The following ERBB2 variants were observed in gnomAD, a reference collection of about 807,000 sequenced individuals.
ERBB2 encodes erb-b2 receptor tyrosine kinase 2, also known as receptor tyrosine-protein kinase erbB-2.
In ERBB2, 61 loss-of-function variants were observed where a neutral mutation model predicts 149.0. That is an observed-to-expected ratio of 0.41 (90% CI 0.33 to 0.51). The LOEUF is 0.51. Ranked by LOEUF, ERBB2 falls within the 20% of genes least tolerant of loss-of-function variation. The probability of loss-of-function intolerance (pLI) is 0.25; values close to 1 mark genes in which losing one functional copy is unlikely to be tolerated. For missense variants in ERBB2, 1,205 were observed against 1,655.1 expected, an observed-to-expected ratio of 0.73 and a Z score of 4.72; for synonymous variants, 633 against 678.8, an observed-to-expected ratio of 0.93 and a Z score of 1.05.
At chr17:39,690,561 G>T (rs1170881232), upstream of ERBB2, among the ~76,000 whole-genome samples, 1 of 152,124 alleles carries the variant, frequency 6.6e-6, no homozygotes, top group Non-Finnish European at 1.5e-5. Context: ...TGACTTCTTG[G>T]AAGATGGGGT....
At position 39,708,628 on chromosome 17, in the gene ERBB2, G is replaced by T. The variant is rs1483342383; in HGVS notation, c.439+94G>T. 6 of 995,130 alleles carry T rather than the reference G, an allele frequency of 6.0e-6. No individual in the cohort carries two copies. In the African/African-American group the frequency reaches 9.7e-5, roughly 16 times the overall value. The allele number at this position is 995,130 out of a possible 1,614,324, so 61.6% of individuals were successfully genotyped here. ...GGGAGGCTTTGTGTGCATTAGAAAT[G>T]GTGTCCCTTCTGGGCAGACGCAGGC... On this transcript the variant is annotated intron_variant, in intron 3 of 26. Coordinates refer to ENST00000269571, the MANE Select transcript of ERBB2 (RefSeq NM_004448.4).
At chr17:39,689,329 T>C (rs1418508607) in intron 2 of ERBB2, among the ~76,000 whole-genome samples, 1 of 152,188 alleles carries the variant, frequency 6.6e-6, no homozygotes, top group Non-Finnish European at 1.5e-5. Flanking sequence ...ACATGAATAG[T>C]GTCCCCTGGA....
At chr17:39,716,852 G>C (rs905062374) in intron 14 of ERBB2, 1 of 550,232 alleles carries the variant, frequency 1.8e-6, no homozygotes, top group Non-Finnish European at 3.3e-6. Context: ...GCTGTGCTAG[G>C]GTGGTGAGCC....
At chr17:39,689,063 C>T (rs2057632770) in intron 2 of ERBB2, among the ~76,000 whole-genome samples, 1 of 152,202 alleles carries the variant, frequency 6.6e-6, no homozygotes, top group Non-Finnish European at 1.5e-5. Flanking sequence ...AAGGATCACC[C>T]TTTCTCCTCC....
At chr17:39,724,173 C>A (rs1442882055) in intron 19 of ERBB2, among the ~76,000 whole-genome samples, 163 bp downstream of exon 19, 1 of 151,430 alleles carries the variant, frequency 6.6e-6, no homozygotes, top group Non-Finnish European at 1.5e-5. Flanking sequence ...GGCTGGAGTG[C>A]AGTGGCGTTA....
chr17:39,719,908 A>C, intron 16 of ERBB2, 74 bp downstream of exon 16: 1 of 1,448,170 alleles, frequency 6.9e-7, no homozygotes, highest in Non-Finnish European at 9.7e-7. Flanking sequence ...TCACTGCTGT[A>C]GGGAGGGGAC....
upstream of ERBB2, among the ~76,000 whole-genome samples, chr17:39,697,451 G>A (rs1355175263): frequency 1.3e-5 from 2 of 151,314 alleles, no homozygotes; most frequent in African/African-American, 4.9e-5. Context: ...CGCTTCCCAG[G>A]TTCAAGCGAT....
upstream of ERBB2, among the ~76,000 whole-genome samples, chr17:39,691,818 A>G (rs1449992739): frequency 2.0e-5 from 3 of 148,596 alleles, no homozygotes; most frequent in Non-Finnish European, 4.5e-5. Flanking sequence ...ACAGAAATTA[A>G]TAGGAATGGG....
At chr17:39,705,568 C>G (rs2058375840) in intron 1 of ERBB2, among the ~76,000 whole-genome samples, 1 of 152,134 alleles carries the variant, frequency 6.6e-6, no homozygotes, top group East Asian at 1.9e-4. Flanking sequence ...CCTCCTGTTC[C>G]TCCCTCTTTG....
chr17:39,714,577 T>C (rs564329506), intron 9 of ERBB2, among the ~76,000 whole-genome samples: 1 of 152,314 alleles, frequency 6.6e-6, no homozygotes, highest in East Asian at 1.9e-4. Context: ...TGGCAGATAC[T>C]AGGTGCTCCT....
rs1449862160 is a variant in ERBB2, at chr17:39,723,023, T to A, written c.1947-296T>A. Among the ~76,000 whole-genome samples, 1 of 151,810 alleles carries A rather than the reference T, an allele frequency of 6.6e-6. No individual in the cohort carries two copies. Among genetic ancestry groups the A allele is most frequent in the Non-Finnish European group, 1.5e-5 (1 of 67,964 alleles). On this transcript the variant is annotated intron_variant, in intron 16 of 26. Transcript: ENST00000269571. This position sits in a 1 kb window ranked among gnomAD's most constrained non-coding sequence, Gnocchi z 6.2. ...CAGGCATGAGCCACCGCGCCCAGAG[T>A]CCTTAGTGATTTTTACACCATGAAT...
chr17:39,691,574 T>TATATATATATATACAC (rs1244087250), upstream of ERBB2, among the ~76,000 whole-genome samples: 34 of 122,016 alleles, frequency 2.8e-4, no homozygotes, highest in African/African-American at 1.4e-3. Context: ...TATATATATA[T>TATATATATATATACAC]ACACACACAC....
upstream of ERBB2, among the ~76,000 whole-genome samples, chr17:39,691,998 T>C (rs1236242737): frequency 6.7e-6 from 1 of 149,078 alleles, no homozygotes; most frequent in Non-Finnish European, 1.5e-5. Flanking sequence ...GGATTACAGG[T>C]GTGTGCCACC....
chr17:39,699,944 T>C (rs1165652075), upstream of ERBB2: 33 of 1,156,466 alleles, frequency 2.9e-5, no homozygotes, highest in Admixed American at 7.9e-4. Context: ...CCAGACTTGT[T>C]GGAATGCAGT....
At chr17:39,694,226 AATATATATATATATATATATATAT>A (rs1417710622), upstream of ERBB2, among the ~76,000 whole-genome samples, 14 of 18,534 alleles carry the variant, frequency 7.6e-4, 1 homozygote, top group East Asian at 2.9e-3. Flanking sequence ...AAAAAAAAAA[AATATATATATATATATATATATAT>A]ATATATATAT....
At chr17:39,724,689 G>A in intron 19 of ERBB2, 37 bp from the exon 20 acceptor site, 1 of 1,588,906 alleles carries the variant, frequency 6.3e-7, no homozygotes, top group African/African-American at 1.3e-5. Flanking sequence ...GGGGGTGTGT[G>A]GTCTCCCATA....
chr17:39,692,026 G>A (rs540307709), upstream of ERBB2, among the ~76,000 whole-genome samples: 2 of 149,860 alleles, frequency 1.3e-5, no homozygotes, highest in Admixed American at 6.7e-5. Context: ...GCTAATTTTT[G>A]TATTTTTTAG....
chr17:39,710,488 G>A lies in ERBB2; in HGVS notation c.901+7G>A. 1 of 1,613,822 alleles carries A rather than the reference G, an allele frequency of 6.2e-7. No homozygotes were observed. The highest frequency in any genetic ancestry group is 2.2e-5 in the East Asian group (1 of 44,890). On this transcript the variant is annotated splice_region_variant and intron_variant, in intron 7 of 26. Coordinates refer to ENST00000269571, the MANE Select transcript of ERBB2 (RefSeq NM_004448.4). ...TGTGTGACTGCCTGTCCCTGTGAGT[G>A]CCAGGGAGAAACACAGTTTTCTCAT...
At chr17:39,697,636 A>G (rs1336421434), upstream of ERBB2, among the ~76,000 whole-genome samples, 2 of 152,076 alleles carry the variant, frequency 1.3e-5, no homozygotes, top group African/African-American at 4.8e-5. Flanking sequence ...AATTACAGGC[A>G]TGAGCCACCG....
Sources: allele counts gnomAD v4.1 joint callset (sites outside exome capture counted in the v4.1 genomes callset), GRCh38; gene constraint gnomAD v4.1.1; non-coding constraint Gnocchi (gnomAD v3.1); transcripts MANE v1.5; gene names NCBI Gene and HGNC (gene_info 2026-07-23, HGNC 2026-07-21).